LRMDA: variants seen among roughly 807,000 people sequenced by gnomAD.
The protein encoded by LRMDA is leucine rich melanocyte differentiation associated, also known as leucine-rich melanocyte differentiation-associated protein.
A neutral mutation model predicts 29.8 loss-of-function variants in LRMDA; 18 were observed. The ratio of observed to expected loss-of-function variants is 0.60; its 90% CI spans 0.42 to 0.90. The LOEUF (loss-of-function observed/expected upper bound fraction) is 0.90. LRMDA is among the 40% of genes least tolerant of loss of function. LRMDA has a pLI of 0.00. For missense variants in LRMDA, 273 were observed against 273.9 expected (o/e 1.00, Z 0.02); for synonymous variants, 125 against 109.4 (o/e 1.14, Z -0.89).
chr10:76,139,423 C>T (rs1173062290), intron 5 of LRMDA, among the ~76,000 whole-genome samples: 1 of 150,066 alleles, frequency 6.7e-6, no homozygotes, highest in African/African-American at 2.4e-5. Context: ...TACCACCTTC[C>T]TCTACACACG....
chr10:75,980,373 C>T (rs73281446), intron 2 of LRMDA, among the ~76,000 whole-genome samples: 12 of 152,292 alleles, frequency 7.9e-5, no homozygotes, highest in South Asian at 2.1e-4. Flanking sequence ...ATGGAGAGCA[C>T]GCAGTCAATA....
At chr10:76,148,201 C>G (rs1850366652) in intron 5 of LRMDA, among the ~76,000 whole-genome samples, 2 of 152,196 alleles carry the variant, frequency 1.3e-5, no homozygotes, top group African/African-American at 2.4e-5. Flanking sequence ...AACCACTACT[C>G]TCTTCAAAGC....
intron 6 of LRMDA, among the ~76,000 whole-genome samples, chr10:76,481,088 T>G (rs576662221): frequency 1.4e-4 from 22 of 152,046 alleles, no homozygotes; most frequent in African/African-American, 5.1e-4. Context: ...GATGTAAAGA[T>G]GGTCAATTTT....
chr10:75,937,268 A>T (rs1188839314), intron 2 of LRMDA, among the ~76,000 whole-genome samples: 1 of 152,224 alleles, frequency 6.6e-6, no homozygotes, highest in Non-Finnish European at 1.5e-5. Flanking sequence ...GAAAAGCTCC[A>T]CCCTAAATGA....
Position 76,440,796 on chromosome 10 carries a change from C to T in LRMDA, c.601+116311C>T, listed in dbSNP as rs938089488. ...AATGGGAATGCACTATAGTTCATAT[C>T]TGTCATAGTTAGTATTTGGAAGACT... On this transcript the variant is annotated intron_variant, in intron 6 of 6. Transcript: ENST00000611255. Among the ~76,000 whole-genome samples the T allele has an allele frequency of 3.9e-5, 6 of 152,270 alleles. No individual in the cohort carries two copies. In the South Asian group the frequency reaches 6.2e-4, roughly 16 times the overall value.
Position 75,579,974 on chromosome 10 carries a change from G to T in LRMDA, c.131+141480G>T, listed in dbSNP as rs1308134622. Among the ~76,000 whole-genome samples, 3 of 152,196 alleles carry T rather than the reference G, an allele frequency of 2.0e-5. No homozygotes were observed. In the South Asian group the frequency reaches 6.2e-4, roughly 31 times the overall value. On this transcript the variant is annotated intron_variant, in intron 2 of 6. Coordinates refer to ENST00000611255, the MANE Select transcript of LRMDA (RefSeq NM_001305581.2). ...ACCCACAGCCAATATCATACTGAAT[G>T]GGCAAAAGCCGCAAGCATTCCCTTT...
intron 2 of LRMDA, among the ~76,000 whole-genome samples, chr10:75,842,079 A>G (rs912306238): frequency 1.3e-5 from 2 of 152,378 alleles, no homozygotes; most frequent in East Asian, 1.9e-4. Context: ...AACATTATCA[A>G]TGAAAACTGG....
chr10:75,735,742 C>A (rs1455724769), intron 2 of LRMDA, among the ~76,000 whole-genome samples: 1 of 152,146 alleles, frequency 6.6e-6, no homozygotes, highest in Non-Finnish European at 1.5e-5. Context: ...ATAGTCATCA[C>A]CAGTCAGCAG....
At chr10:75,613,571 G>A (rs114347943) in intron 2 of LRMDA, among the ~76,000 whole-genome samples, 178 of 152,322 alleles carry the variant, frequency 1.2e-3, no homozygotes, top group African/African-American at 4.2e-3. Context: ...GGATTCTGCA[G>A]CACCTTTAGG....
intron 2 of LRMDA, among the ~76,000 whole-genome samples, chr10:75,849,516 C>G (rs1844695655): frequency 6.6e-6 from 1 of 152,156 alleles, no homozygotes; most frequent in Admixed American, 6.5e-5. Flanking sequence ...GAAAGCCAAA[C>G]ACCGCATGTT....
intron 2 of LRMDA, among the ~76,000 whole-genome samples, chr10:76,002,843 G>T (rs1282726632): frequency 6.6e-6 from 1 of 152,188 alleles, no homozygotes; most frequent in Non-Finnish European, 1.5e-5. Context: ...GTGCCAGACT[G>T]CAAAGAGTGG....
At chr10:76,206,948 G>A (rs954178378) in intron 5 of LRMDA, among the ~76,000 whole-genome samples, 2 of 152,162 alleles carry the variant, frequency 1.3e-5, no homozygotes, top group Admixed American at 6.5e-5. Context: ...GCACATCATC[G>A]CATTCAGTGG....
rs550742296 is a variant in LRMDA, at chr10:75,455,616, G to A, written c.131+17122G>A. Among the ~76,000 whole-genome samples, 204 of 152,298 alleles carry A rather than the reference G, an allele frequency of 1.3e-3. 2 individuals carry two copies. The highest frequency in any genetic ancestry group is 1.9e-3 in the Non-Finnish European group (131 of 68,026). The stretch of plus-strand genomic sequence containing the variant: ...TTGGGGAGCTATACATGGAGAGAGG[G>A]TTCCCAGCCAGCCCAGCAAAGCAGG... On this transcript the variant is annotated intron_variant, in intron 2 of 6. Transcript: ENST00000611255.
chr10:75,800,419 T>C (rs1368357281), intron 2 of LRMDA, among the ~76,000 whole-genome samples: 1 of 151,324 alleles, frequency 6.6e-6, no homozygotes, highest in Non-Finnish European at 1.5e-5. Context: ...GGTGTTTTAT[T>C]CAGTCTGATA....
intron 6 of LRMDA, among the ~76,000 whole-genome samples, chr10:76,353,182 T>C (rs962315394): frequency 7.2e-5 from 11 of 151,960 alleles, no homozygotes; most frequent in Admixed American, 6.6e-4. Context: ...CTGAAAGAGA[T>C]TAGAGAAACC....
At chr10:75,785,613 G>C (rs1365592641) in intron 2 of LRMDA, among the ~76,000 whole-genome samples, 1 of 152,190 alleles carries the variant, frequency 6.6e-6, no homozygotes, top group Non-Finnish European at 1.5e-5. Flanking sequence ...AGCGTGGCCT[G>C]TGTTATCTAA....
intron 5 of LRMDA, among the ~76,000 whole-genome samples, chr10:76,222,757 C>T (rs1047121428): frequency 2.0e-5 from 3 of 152,146 alleles, no homozygotes; most frequent in Admixed American, 6.5e-5. Flanking sequence ...CCAGCCATCC[C>T]ATTACTGGGT....
intron 5 of LRMDA, among the ~76,000 whole-genome samples, chr10:76,192,549 TC>T (rs1851264850): frequency 6.6e-6 from 1 of 152,196 alleles, no homozygotes; most frequent in Non-Finnish European, 1.5e-5. Context: ...AATGCATGGC[TC>T]CCTGAATATC....
intron 5 of LRMDA, among the ~76,000 whole-genome samples, chr10:76,148,212 T>G (rs889361500): frequency 6.6e-6 from 1 of 152,220 alleles, no homozygotes; most frequent in African/African-American, 2.4e-5. Context: ...TCTTCAAAGC[T>G]GTCAGAGAGG....
Sources: allele counts gnomAD v4.1 joint callset (sites outside exome capture counted in the v4.1 genomes callset), GRCh38; gene constraint gnomAD v4.1.1; transcripts MANE v1.5; gene names NCBI Gene and HGNC (gene_info 2026-07-23, HGNC 2026-07-21).